The following MIPOL1 variants were observed in gnomAD, a reference collection of about 807,000 sequenced individuals.
MIPOL1 encodes mirror-image polydactyly 1.
In MIPOL1, 57 loss-of-function variants were observed where a neutral mutation model predicts 60.9. That is an observed-to-expected ratio of 0.94 (90% CI 0.76 to 1.17). MIPOL1 has a LOEUF of 1.17. MIPOL1 is among the 50% of genes most tolerant of loss of function. MIPOL1 has a pLI of 0.00. For missense variants in MIPOL1, 551 were observed against 511.6 expected, an observed-to-expected ratio of 1.08 and a Z score of -0.74; for synonymous variants, 179 against 168.8, an observed-to-expected ratio of 1.06 and a Z score of -0.47.
intron 9 of MIPOL1, among the ~76,000 whole-genome samples, chr14:37,327,688 A>G (rs1228687985): frequency 6.6e-6 from 1 of 152,194 alleles, no homozygotes; most frequent in East Asian, 1.9e-4. Context: ...TCTCTAGTGT[A>G]AGGAATTTGA....
intron 9 of MIPOL1, among the ~76,000 whole-genome samples, chr14:37,336,530 T>G (rs1193229224): frequency 2.0e-5 from 3 of 151,750 alleles, no homozygotes; most frequent in Non-Finnish European, 2.9e-5. Context: ...TTTTTCGTTC[T>G]TTCTTAAAAT....
rs544836571 is a variant in MIPOL1 at position 37,203,358 on chromosome 14, A to G, written c.-199+5254A>G. On this transcript the variant is annotated intron_variant, in intron 1 of 12. Transcript: ENST00000684589. Reference sequence around the variant, plus strand: ...CTCTAATCTCTGGTAATCTTTTTCAAAAGACTGCCAAGAGACCGTAGGGGT... The same window carrying G: ...CTCTAATCTCTGGTAATCTTTTTCAGAAGACTGCCAAGAGACCGTAGGGGT... 5.6e-4 allele frequency among the ~76,000 whole-genome samples: 86 copies of G among 152,306 alleles called. 1 individual carries two copies. Among genetic ancestry groups the G allele is most frequent in the African/African-American group, 2.1e-3 (86 of 41,558 alleles).
intron 11 of MIPOL1, among the ~76,000 whole-genome samples, chr14:37,495,496 T>C (rs915258156): frequency 4.6e-5 from 7 of 150,766 alleles, no homozygotes; most frequent in African/African-American, 1.5e-4. Context: ...TCCCATGGTG[T>C]ATATGTGCCA....
At position 37,425,613 on chromosome 14, in the gene MIPOL1, C is replaced by A. The variant is rs529045628; in HGVS notation, c.1031+2664C>A. On this transcript the variant is annotated intron_variant, in intron 11 of 12. Transcript: ENST00000684589. ...TTTCTTTAAAATGAGAGTAATAGTA[C>A]CTACTTATAGGGTTGTTTTAGGTAT... Among the ~76,000 whole-genome samples, 7 of 152,188 alleles carry A rather than the reference C, an allele frequency of 4.6e-5. No homozygotes were observed. The East Asian group carries it at 1.3e-3, about 29-fold the overall frequency.
intron 7 of MIPOL1, 105 bp from the exon 8 acceptor site, chr14:37,307,951 T>C (rs2086926218): frequency 4.6e-6 from 4 of 874,526 alleles, no homozygotes; most frequent in Non-Finnish European, 7.4e-6. Context: ...CTCTAAAGAC[T>C]AGTCGAATGA....
intron 12 of MIPOL1, among the ~76,000 whole-genome samples, chr14:37,508,628 G>T (rs2095300944): frequency 6.6e-6 from 1 of 152,114 alleles, no homozygotes; most frequent in Non-Finnish European, 1.5e-5. Flanking sequence ...GGACAATAAT[G>T]CTTCTATCTC....
chr14:37,411,101 A>C (rs2093674115), intron 10 of MIPOL1, among the ~76,000 whole-genome samples: 1 of 152,178 alleles, frequency 6.6e-6, no homozygotes, highest in Non-Finnish European at 1.5e-5. Context: ...ATAGATTGAA[A>C]TTTAAAAAAT....
At chr14:37,356,649 G>A (rs927660662) in intron 9 of MIPOL1, among the ~76,000 whole-genome samples, 4 of 152,174 alleles carry the variant, frequency 2.6e-5, no homozygotes, top group African/African-American at 7.2e-5. Context: ...CGCAGTATTC[G>A]GGTGGGAGTG....
rs767798314 is a variant in MIPOL1 at position 37,327,983 on chromosome 14, CT to C, written c.828+19468del. On this transcript the variant is annotated intron_variant, in intron 9 of 12. Coordinates refer to ENST00000684589, the MANE Select transcript of MIPOL1 (RefSeq NM_001388067.1). ...TAGAGTGTTGTTTGGGTGACCATTG[CT>C]TTTGTCTAAAATTTTTGCAGAAAAT... Among the ~76,000 whole-genome samples the C allele has an allele frequency of 2.0e-5, 3 of 151,924 alleles. No individual in the cohort carries two copies. The South Asian group carries it at 6.3e-4, about 32-fold the overall frequency.
At chr14:37,521,976 T>G (rs2095417505) in intron 12 of MIPOL1, among the ~76,000 whole-genome samples, 1 of 150,546 alleles carries the variant, frequency 6.6e-6, no homozygotes, top group African/African-American at 2.4e-5. Context: ...GGCTACATGA[T>G]CTTTACATTT....
At chr14:37,258,938 A>T (rs1975422039) in intron 3 of MIPOL1, among the ~76,000 whole-genome samples, 1 of 152,248 alleles carries the variant, frequency 6.6e-6, no homozygotes, top group Admixed American at 6.6e-5. Flanking sequence ...AAGAATTTTC[A>T]TGAATAGCCA....
At chr14:37,225,635 C>T (rs1056039237) in intron 1 of MIPOL1, among the ~76,000 whole-genome samples, 2 of 152,142 alleles carry the variant, frequency 1.3e-5, no homozygotes, top group African/African-American at 2.4e-5. Flanking sequence ...TCATAGGCCT[C>T]CGGGTCTGCA....
intron 6 of MIPOL1, 103 bp from the exon 7 acceptor site, chr14:37,285,215 T>C: frequency 8.6e-7 from 1 of 1,157,714 alleles, no homozygotes; most frequent in Non-Finnish European, 1.2e-6. Flanking sequence ...GTTTATTGAG[T>C]AGTCCTTACA....
intron 11 of MIPOL1, among the ~76,000 whole-genome samples, chr14:37,488,340 G>T (rs188591418): frequency 6.6e-6 from 1 of 152,110 alleles, no homozygotes; most frequent in East Asian, 1.9e-4. Flanking sequence ...TATTAGGTCC[G>T]CTTGGTGCAG....
At chr14:37,398,947 G>T (rs1252870198) in intron 10 of MIPOL1, among the ~76,000 whole-genome samples, 1 of 152,138 alleles carries the variant, frequency 6.6e-6, no homozygotes, top group Non-Finnish European at 1.5e-5. Flanking sequence ...AGATGATAAT[G>T]TGAAACCTCA....
rs1275941388 is a variant in MIPOL1 at position 37,404,312 on chromosome 14, G to A, written c.937-18543G>A. Among the ~76,000 whole-genome samples the A allele has an allele frequency of 2.0e-5, 3 of 152,118 alleles. No homozygotes were observed. In the East Asian group the frequency reaches 5.8e-4, roughly 29 times the overall value. ...TCTACCAGTCACCTAGGAAATATAA[G>A]CTAGGGAACAAGACACTGGTATTTA... On this transcript the variant is annotated intron_variant, in intron 10 of 12. Coordinates refer to ENST00000684589, the MANE Select transcript of MIPOL1 (RefSeq NM_001388067.1).
At chr14:37,361,095 G>A (rs547416004) in intron 9 of MIPOL1, among the ~76,000 whole-genome samples, 2 of 152,260 alleles carry the variant, frequency 1.3e-5, no homozygotes, top group East Asian at 3.9e-4. Flanking sequence ...TCATTTAGGA[G>A]CAGTTGTTCA....
intron 10 of MIPOL1, among the ~76,000 whole-genome samples, chr14:37,383,272 T>G (rs577623833): frequency 6.6e-6 from 1 of 152,048 alleles, no homozygotes; most frequent in South Asian, 2.1e-4. Flanking sequence ...AATCTTCACT[T>G]TCTTTTGATA....
At chr14:37,387,730 C>T (rs995336401) in intron 10 of MIPOL1, among the ~76,000 whole-genome samples, 1 of 151,834 alleles carries the variant, frequency 6.6e-6, no homozygotes, top group Non-Finnish European at 1.5e-5. Flanking sequence ...ATTTATAAGA[C>T]CATAGTTTTC....
Sources: gnomAD v4.1 joint callset for allele counts (sites outside exome capture counted in the v4.1 genomes callset) on GRCh38, gnomAD v4.1.1 for gene constraint, MANE v1.5 for transcripts, NCBI Gene and HGNC (gene_info 2026-07-23, HGNC 2026-07-21) for gene names.